Variants in CPAMD8 observed in about 807,000 individuals in gnomAD.
CPAMD8 encodes the protein C3 and PZP-like alpha-2-macroglobulin domain-containing protein 8.
A neutral mutation model predicts 224.7 loss-of-function variants in CPAMD8; 146 were observed. The ratio of observed to expected loss-of-function variants is 0.65; its 90% CI spans 0.57 to 0.75. CPAMD8 has a LOEUF of 0.75. Ranked by LOEUF, CPAMD8 falls within the 30% of genes least tolerant of loss-of-function variation. The pLI is 0.00. For synonymous variants in CPAMD8, 966 were observed against 1,044.6 expected (o/e 0.92, Z 1.45); for missense variants, 2,301 against 2,537.5 (o/e 0.91, Z 2.00).
rs1249373995 is a variant in CPAMD8 at position 16,997,118 on chromosome 19, A to C, written c.1088T>G (p.Val363Gly). 2.5e-6 allele frequency: 4 copies of C among 1,604,246 alleles called. No homozygotes were observed. Among genetic ancestry groups the C allele is most frequent in the Non-Finnish European group, 3.4e-6 (4 of 1,171,586 alleles). Residue 363 changes from valine to glycine, a missense_variant, in exon 11 of 42, where the codon GTG becomes GGG. Val to Gly is a moderately radical substitution (Grantham distance 109). This residue lies in a region of CPAMD8 where 301 missense variants were observed against 406.6 expected (regional missense o/e 0.74). Coordinates refer to ENST00000443236, the MANE Select transcript of CPAMD8 (RefSeq NM_015692.5). ...RKQFKPGLAY[V>G]GKVELSYPDG... is the part of the protein sequence containing the mutation. ...CAGTCACCCCCAAGTTACCTTCCCC[A>C]CGTAGGCCAGGCCCGGCTTGAACTG...
chr19:16,991,499 C>A (rs1035730641), intron 12 of CPAMD8, among the ~76,000 whole-genome samples: 2 of 152,062 alleles, frequency 1.3e-5, no homozygotes, highest in Non-Finnish European at 2.9e-5. Context: ...AGGGGATGGG[C>A]AGGGCAGATC....
At chr19:16,914,854 G>T in intron 27 of CPAMD8, 41 bp from the exon 28 acceptor site, 1 of 1,474,840 alleles carries the variant, frequency 6.8e-7, no homozygotes, top group Non-Finnish European at 9.3e-7. Flanking sequence ...TTGCAGAATG[G>T]TCAGCCCCCA....
At chr19:16,998,548 G>C (rs1461382806) in intron 10 of CPAMD8, among the ~76,000 whole-genome samples, 1 of 152,184 alleles carries the variant, frequency 6.6e-6, no homozygotes, top group Non-Finnish European at 1.5e-5. Context: ...TCTCAGGTGG[G>C]AAAGGGACTG....
At chr19:16,951,696 C>A (rs923052868) in intron 20 of CPAMD8, among the ~76,000 whole-genome samples, 1 of 152,122 alleles carries the variant, frequency 6.6e-6, no homozygotes, top group African/African-American at 2.4e-5. Flanking sequence ...CACACACATG[C>A]GTCCCCACCT....
At chr19:16,910,783 G>GCAA (rs2052697584) in intron 29 of CPAMD8, 1 of 152,610 alleles carries the variant, frequency 6.6e-6, no homozygotes, top group South Asian at 2.1e-4. Flanking sequence ...GCTGCACATG[G>GCAA]CAACAAGTGT....
At chr19:17,010,184 ATAT>A (rs2123128869) in intron 5 of CPAMD8, among the ~76,000 whole-genome samples, 1 of 152,064 alleles carries the variant, frequency 6.6e-6, no homozygotes, top group East Asian at 1.9e-4. Flanking sequence ...TTTATATTAG[ATAT>A]TATTATTGTG....
intron 30 of CPAMD8, 89 bp downstream of exon 30, chr19:16,906,863 T>C (rs2052536874): frequency 7.8e-7 from 1 of 1,287,654 alleles, no homozygotes; most frequent in South Asian, 1.3e-5. Flanking sequence ...GACTCGTCAG[T>C]TGTGATAAAT....
intron 20 of CPAMD8, among the ~76,000 whole-genome samples, chr19:16,951,266 C>T (rs8101198): frequency 0.32 from 48,286 of 151,870 alleles, 9,355 homozygotes; most frequent in African/African-American, 0.54. Flanking sequence ...TTGTGGGGAG[C>T]CTGTGAATTA....
intron 29 of CPAMD8, 110 bp from the exon 30 acceptor site, chr19:16,907,227 C>CTGT: frequency 7.5e-7 from 1 of 1,325,116 alleles, no homozygotes; most frequent in Non-Finnish European, 9.7e-7. Context: ...ACTCCTAGCC[C>CTGT]CTTGCTTTGC....
At chr19:17,009,721 C>T (rs139352284) in intron 5 of CPAMD8, among the ~76,000 whole-genome samples, 188 of 151,430 alleles carry the variant, frequency 1.2e-3, no homozygotes, top group Middle Eastern at 3.4e-3. Flanking sequence ...TTGCAGTGAG[C>T]GGAGATTGCG....
Position 16,975,081 on chromosome 19 carries a change from G to C in CPAMD8, c.2070+16C>G. Reference sequence around the variant, plus strand: ...CTTAGAAGGGGGCAGAGGGATCTGAGACCACCTCTCCTTACGGTGAAGGCA... The same window carrying C: ...CTTAGAAGGGGGCAGAGGGATCTGACACCACCTCTCCTTACGGTGAAGGCA... On this transcript the variant is annotated intron_variant, in intron 17 of 41. Coordinates refer to ENST00000443236, the MANE Select transcript of CPAMD8 (RefSeq NM_015692.5). 2 of 1,609,160 alleles carry C rather than the reference G, an allele frequency of 1.2e-6. No individual in the cohort carries two copies. The highest frequency in any genetic ancestry group is 1.7e-6 in the Non-Finnish European group (2 of 1,178,524).
intron 12 of CPAMD8, among the ~76,000 whole-genome samples, chr19:16,990,863 C>CAAAAAAAAAAAAAAAAAAAAAAAA: frequency 1.4e-5 from 1 of 73,142 alleles, no homozygotes; most frequent in Non-Finnish European, 2.5e-5. Flanking sequence ...AACTCTGTCT[C>CAAAAAAAAAAAAAAAAAAAAAAAA]AAAAAAAAAA....
At chr19:16,971,223 C>T (rs146945904) in intron 17 of CPAMD8, 190 bp from the exon 18 acceptor site, 45 of 540,970 alleles carry the variant, frequency 8.3e-5, no homozygotes, top group Middle Eastern at 4.8e-4. Context: ...TTTTTTGAGA[C>T]GGAGTCTCGC....
At chr19:16,914,379 T>C in intron 29 of CPAMD8, 45 bp downstream of exon 29, 1 of 1,542,056 alleles carries the variant, frequency 6.5e-7, no homozygotes, top group Non-Finnish European at 9.0e-7. Flanking sequence ...CATTTGCTCC[T>C]CCAGTGCCCA....
At chr19:16,990,807 G>A (rs2055915077) in intron 12 of CPAMD8, among the ~76,000 whole-genome samples, 1 of 142,036 alleles carries the variant, frequency 7.0e-6, no homozygotes, top group Admixed American at 7.4e-5. Flanking sequence ...AGGTTGCAGT[G>A]AGCTGGAATC....
chr19:16,903,856 T>A lies in CPAMD8; in HGVS notation c.4253A>T (p.Asp1418Val), dbSNP rs1194263556. The A allele has an allele frequency of 2.5e-6, 4 of 1,613,056 alleles. No individual in the cohort carries two copies. The highest frequency in any genetic ancestry group is 3.4e-6 in the Non-Finnish European group (4 of 1,179,878). Residue 1418 changes from aspartate (D) to valine (V), a missense_variant and splice_region_variant, in exon 33 of 42, where the codon GAC (aspartate) becomes GTC (valine). Transcript: ENST00000443236. ...CAAGGCCTGCAGAGCCACGCAGGTGTCCTGGGGATGGAGGAGGAGACGGCC... is the reference window on the plus strand; with the variant it reads ...CAAGGCCTGCAGAGCCACGCAGGTGACCTGGGGATGGAGGAGGAGACGGCC... Reference protein sequence around the residue: ...NALGGFSSTQDTCVALQALAE... With the variant: ...NALGGFSSTQVTCVALQALAE...
intron 10 of CPAMD8, among the ~76,000 whole-genome samples, chr19:16,998,011 G>A (rs1367264135): frequency 1.3e-5 from 2 of 152,194 alleles, no homozygotes; most frequent in Admixed American, 6.5e-5. Flanking sequence ...AGAAAGAGCT[G>A]TGGAGTAAAT....
intron 7 of CPAMD8, among the ~76,000 whole-genome samples, chr19:17,005,227 G>A (rs765949267): frequency 6.6e-6 from 1 of 151,702 alleles, no homozygotes; most frequent in African/African-American, 2.4e-5. Context: ...TCACCCCTTG[G>A]TGGAAATCCC....
chr19:16,984,618 T>C (rs1217839159), intron 13 of CPAMD8, among the ~76,000 whole-genome samples: 4 of 152,164 alleles, frequency 2.6e-5, no homozygotes, highest in Admixed American at 6.5e-5. Context: ...ACCCATAGTA[T>C]AGGAGAAAAT....
Sources: gnomAD v4.1 joint callset for allele counts (sites outside exome capture counted in the v4.1 genomes callset) on GRCh38, gnomAD v4.1.1 for gene constraint, gnomAD v4.1.1 regional missense constraint, MANE v1.5 for transcripts, NCBI Gene and HGNC (gene_info 2026-07-23, HGNC 2026-07-21) for gene names.